Variants in WWTR1 observed in about 807,000 individuals in gnomAD.
The protein encoded by WWTR1 is WW domain-containing transcription regulator protein 1.
WWTR1 carries 13 observed loss-of-function variants against 40.1 expected under a neutral mutation model. That is an observed-to-expected ratio of 0.32 (90% CI 0.21 to 0.52). The LOEUF is 0.52. WWTR1 is among the 20% of genes least tolerant of loss of function. The pLI is 0.97. For missense variants in WWTR1, 436 were observed against 523.1 expected, an observed-to-expected ratio of 0.83 and a Z score of 1.63; for synonymous variants, 230 against 210.1, an observed-to-expected ratio of 1.09 and a Z score of -0.82.
chr3:149,723,258 G>A (rs573878469), intron 4 of WWTR1, among the ~76,000 whole-genome samples: 3 of 137,974 alleles, frequency 2.2e-5, no homozygotes, highest in South Asian at 4.5e-4. Context: ...GCACGATCTC[G>A]GCTCACCACA....
rs185260848 is a variant in WWTR1, at chr3:149,715,234, C to T, written n.584+2208G>A. Among the ~76,000 whole-genome samples the T allele has an allele frequency of 1.4e-3, 206 of 152,322 alleles. 2 individuals carry two copies. Among genetic ancestry groups the T allele is most frequent in the African/African-American group, 4.5e-3 (188 of 41,578 alleles). On this transcript the variant is annotated intron_variant and non_coding_transcript_variant, in intron 5 of 6. Transcript: ENST00000474080. ...TGTTGTGGGTGAAGAGGAGAGAACACCTGCGGCCCTTCAGGGAGCCCAGAC... is the reference window on the plus strand; with the variant it reads ...TGTTGTGGGTGAAGAGGAGAGAACATCTGCGGCCCTTCAGGGAGCCCAGAC...
At position 149,645,166 on chromosome 3, in the gene WWTR1, G is replaced by A. The variant is rs987471212; in HGVS notation, c.431+11710C>T. ...GCGATCTCAGCTCACTACAAGCTCT[G>A]CCTCCCAGGTTCGCGCCATTCTCCT... On this transcript the variant is annotated intron_variant, in intron 2 of 6. Transcript: ENST00000360632. Among the ~76,000 whole-genome samples the A allele has an allele frequency of 7.9e-5, 12 of 151,116 alleles. No homozygotes were observed. The East Asian group carries it at 1.4e-3, about 17-fold the overall frequency.
At chr3:149,653,030 A>T (rs1485054543) in intron 2 of WWTR1, among the ~76,000 whole-genome samples, 1 of 152,224 alleles carries the variant, frequency 6.6e-6, no homozygotes, top group Non-Finnish European at 1.5e-5. Context: ...AAAAGGCAAA[A>T]CACTAAAATT....
At chr3:149,613,698 C>T (rs1031117675) in intron 2 of WWTR1, among the ~76,000 whole-genome samples, 4 of 152,084 alleles carry the variant, frequency 2.6e-5, no homozygotes, top group Admixed American at 2.0e-4. Context: ...CAGGCACATA[C>T]CACCATACCC....
At chr3:149,652,227 G>T (rs1450389406) in intron 2 of WWTR1, among the ~76,000 whole-genome samples, 1 of 151,850 alleles carries the variant, frequency 6.6e-6, no homozygotes, top group Non-Finnish European at 1.5e-5. Context: ...TGGGTTCAGG[G>T]CTTTGGCAAT....
intron 2 of WWTR1, among the ~76,000 whole-genome samples, chr3:149,654,492 T>G (rs1224463628): frequency 1.3e-5 from 2 of 152,220 alleles, no homozygotes; most frequent in Non-Finnish European, 2.9e-5. Flanking sequence ...TCATTTTCAT[T>G]GACTACCCAA....
At chr3:149,557,651 T>C (rs6797794) in intron 3 of WWTR1, among the ~76,000 whole-genome samples, 11,284 of 152,166 alleles carry the variant, frequency 0.074, 1,072 homozygotes, top group East Asian at 0.44. Context: ...CTGGCTTTTT[T>C]TCTCAGCCAC....
At chr3:149,641,474 C>T (rs1431269481) in intron 2 of WWTR1, among the ~76,000 whole-genome samples, 2 of 152,208 alleles carry the variant, frequency 1.3e-5, no homozygotes, top group Admixed American at 1.3e-4. Context: ...CATTCCAATG[C>T]ATGTGCAACT....
chr3:149,635,513 AAGG>A (rs1427754024), intron 2 of WWTR1, among the ~76,000 whole-genome samples: 2 of 151,632 alleles, frequency 1.3e-5, no homozygotes, highest in South Asian at 2.1e-4. Context: ...GAAGAAGAAG[AAGG>A]AGGAGAAGGA....
chr3:149,558,141 G>A (rs188165879), intron 3 of WWTR1, among the ~76,000 whole-genome samples: 13 of 152,200 alleles, frequency 8.5e-5, no homozygotes, highest in Middle Eastern at 3.4e-3. Context: ...TTGTAAACCT[G>A]TGAATGGGCC....
At chr3:149,620,097 G>A (rs1383336924) in intron 2 of WWTR1, among the ~76,000 whole-genome samples, 1 of 152,182 alleles carries the variant, frequency 6.6e-6, no homozygotes, top group East Asian at 1.9e-4. Context: ...CCTAGAAACA[G>A]CTTTGTTGGG....
At chr3:149,540,075 T>C in intron 4 of WWTR1, 1 of 250,744 alleles carries the variant, frequency 4.0e-6, no homozygotes, top group Non-Finnish European at 8.1e-6. Flanking sequence ...CATCTCCTCC[T>C]AACTACACAC....
chr3:149,678,975 A>G (rs1245634503), intron 1 of WWTR1, among the ~76,000 whole-genome samples: 1 of 152,060 alleles, frequency 6.6e-6, no homozygotes, highest in African/African-American at 2.4e-5. Flanking sequence ...GATTACAGGC[A>G]TGCATCACCA....
intron 6 of WWTR1, 177 bp downstream of exon 6, chr3:149,525,836 C>T (rs1267549478): frequency 9.9e-6 from 4 of 403,382 alleles, no homozygotes; most frequent in African/African-American, 2.1e-5. Flanking sequence ...CGAGAGCAAT[C>T]GTATCCCAAA....
rs113566931 is a variant in WWTR1 at position 149,715,610 on chromosome 3, G to A, written n.584+1832C>T. ...GCACAGCCTGCCAGGCCGAGTGGGC[G>A]GAACAAGCCCAGAGGGCCTGAGAAA... On this transcript the variant is annotated intron_variant and non_coding_transcript_variant, in intron 5 of 6. Coordinates refer to the WWTR1 transcript ENST00000474080. Among the ~76,000 whole-genome samples, 634 of 152,312 alleles carry A rather than the reference G, an allele frequency of 4.2e-3. 7 individuals carry two copies. Among genetic ancestry groups the A allele is most frequent in the African/African-American group, 0.014 (588 of 41,562 alleles).
chr3:149,598,483 C>G (rs1739102408), intron 2 of WWTR1, among the ~76,000 whole-genome samples: 1 of 152,226 alleles, frequency 6.6e-6, no homozygotes, highest in East Asian at 1.9e-4. Flanking sequence ...GACTGGCACT[C>G]AAGCCAAGCA....
chr3:149,712,980 G>A (rs1715516054), intron 5 of WWTR1, among the ~76,000 whole-genome samples: 2 of 152,204 alleles, frequency 1.3e-5, no homozygotes, highest in Admixed American at 6.5e-5. Context: ...GGTAAGATGT[G>A]TCTGATGCTC....
intron 4 of WWTR1, among the ~76,000 whole-genome samples, chr3:149,536,482 A>AGG (rs34960153): frequency 5.1e-4 from 76 of 148,352 alleles, no homozygotes; most frequent in African/African-American, 1.7e-3. Flanking sequence ...AAAAAAAAAA[A>AGG]GGGGGGGGCC....
intron 3 of WWTR1, among the ~76,000 whole-genome samples, chr3:149,563,560 C>A (rs562527813): frequency 2.0e-4 from 31 of 152,214 alleles, no homozygotes; most frequent in Non-Finnish European, 2.6e-4. Flanking sequence ...ACACCAAGCA[C>A]CAAAATGACA....
Sources: allele counts gnomAD v4.1 joint callset (sites outside exome capture counted in the v4.1 genomes callset), GRCh38; gene constraint gnomAD v4.1.1; transcripts MANE v1.5; gene names NCBI Gene and HGNC (gene_info 2026-07-23, HGNC 2026-07-21).